Variants in MGA observed in about 807,000 individuals in gnomAD.
MGA encodes the protein MAX gene-associated protein.
MGA carries 40 observed loss-of-function variants against 261.1 expected under a neutral mutation model. The observed-to-expected ratio is 0.15, with a 90% confidence interval of 0.12 to 0.20. The LOEUF (loss-of-function observed/expected upper bound fraction) is 0.20. MGA is among the 10% of genes least tolerant of loss of function. The probability of loss-of-function intolerance (pLI) is 1.00; values close to 1 mark genes in which losing one functional copy is unlikely to be tolerated. For missense variants in MGA, 3,397 were observed against 3,630.5 expected, an observed-to-expected ratio of 0.94 and a Z score of 1.65; for synonymous variants, 1,302 against 1,290.6, an observed-to-expected ratio of 1.01 and a Z score of -0.19.
chr15:41,654,232 T>G (rs979007918), intron 1 of MGA, among the ~76,000 whole-genome samples: 1 of 152,212 alleles, frequency 6.6e-6, no homozygotes, highest in Admixed American at 6.5e-5. Flanking sequence ...CAGTTATTTC[T>G]AAATACCTGT....
chr15:41,729,822 G>GA (rs1197965626), intron 11 of MGA, among the ~76,000 whole-genome samples: 1 of 151,886 alleles, frequency 6.6e-6, no homozygotes. Context: ...GTGACAGAGT[G>GA]AGACTCTGTT....
chr15:41,766,529 A>C lies in MGA; in HGVS notation c.8447A>C (p.Glu2816Ala). The change falls in exon 24 of 24, where the codon GAG becomes GCG. Residue 2816 changes from glutamate to alanine, a missense_variant. This residue lies in a region of MGA where 647 missense variants were observed against 642.4 expected (regional missense o/e 1.01). Transcript: ENST00000219905. Reference sequence around the variant, plus strand: ...GAACTGCTGACTAACATGGAAGATGAGGATGATACTGATGAGACACTGACT... The same window carrying C: ...GAACTGCTGACTAACATGGAAGATGCGGATGATACTGATGAGACACTGACT... 6.2e-7 allele frequency: 1 copy of C among 1,613,978 alleles called. No homozygotes were observed. Among genetic ancestry groups the C allele is most frequent in the Admixed American group, 1.7e-5 (1 of 60,024 alleles).
intron 22 of MGA, among the ~76,000 whole-genome samples, chr15:41,762,716 G>A (rs762639316): frequency 3.3e-5 from 5 of 151,916 alleles, no homozygotes; most frequent in African/African-American, 1.2e-4. Context: ...TGATCCACCC[G>A]CCTTGGCCTC....
Position 41,762,304 on chromosome 15 carries a change from T to C in MGA, c.7686T>C (p.Phe2562=), listed in dbSNP as rs2063503561. 6.2e-7 allele frequency: 1 copy of C among 1,613,754 alleles called. No individual in the cohort carries two copies. The highest frequency in any genetic ancestry group is 1.7e-5 in the Admixed American group (1 of 59,992). The change falls in exon 22 of 24, where the codon TTT becomes TTC. Residue 2562 remains phenylalanine (F), a synonymous_variant. Transcript: ENST00000219905. ...CATCTGTAGATCTTGGACAGATGTT[T>C]ATAAATAACAGGAGGGGGAAACCTT... is the stretch of plus-strand genomic sequence containing the variant.
At chr15:41,667,303 G>T (rs1427727576) in intron 1 of MGA, among the ~76,000 whole-genome samples, 1 of 151,798 alleles carries the variant, frequency 6.6e-6, no homozygotes, top group African/African-American at 2.4e-5. Context: ...CTGAAGTGCA[G>T]TGGTGCCATC....
intron 9 of MGA, among the ~76,000 whole-genome samples, chr15:41,718,153 A>G (rs1218380931): frequency 6.6e-6 from 1 of 151,676 alleles, no homozygotes; most frequent in African/African-American, 2.4e-5. Flanking sequence ...TTGCCATATA[A>G]CAGATTAAAT....
intron 3 of MGA, 31 bp downstream of exon 3, chr15:41,697,054 G>T: frequency 6.9e-7 from 1 of 1,448,590 alleles, no homozygotes; most frequent in Non-Finnish European, 9.2e-7. Flanking sequence ...ATTCTTTAAG[G>T]CTAATTAGTC....
rs184644436 is a variant in MGA at position 41,670,733 on chromosome 15, C to T, written c.1064+775C>T. 4.9e-4 allele frequency among the ~76,000 whole-genome samples: 75 copies of T among 151,842 alleles called. 1 individual carries two copies. In the East Asian group the frequency reaches 9.1e-3, roughly 18 times the overall value. On this transcript the variant is annotated intron_variant, in intron 2 of 23. Coordinates refer to ENST00000219905, the MANE Select transcript of MGA (RefSeq NM_001164273.2). ...GTGTTAGCCAGGATGGTCTCGATCT[C>T]CTGACCTCATGATCTGCCCGCCTCG...
chr15:41,702,326 A>G (rs1373892576), intron 5 of MGA, among the ~76,000 whole-genome samples: 3 of 151,440 alleles, frequency 2.0e-5, no homozygotes, highest in African/African-American at 7.2e-5. Context: ...TTGTCTCAAA[A>G]AAAAAAAAAA....
chr15:41,739,831 G>T, intron 13 of MGA, 75 bp from the exon 14 acceptor site: 1 of 1,398,520 alleles, frequency 7.2e-7, no homozygotes, highest in Non-Finnish European at 9.7e-7. Flanking sequence ...TTGTAAAAAT[G>T]AAGCCCCTGT....
At chr15:41,628,289 C>T (rs1309493099) in intron 1 of MGA, among the ~76,000 whole-genome samples, 3 of 145,956 alleles carry the variant, frequency 2.1e-5, no homozygotes, top group Non-Finnish European at 4.5e-5. Context: ...ATGAGAATAT[C>T]TTGAACCCGG....
At chr15:41,715,172 CAG>C (rs1462284109) in intron 9 of MGA, among the ~76,000 whole-genome samples, 1 of 131,570 alleles carries the variant, frequency 7.6e-6, no homozygotes, top group Non-Finnish European at 1.6e-5. Context: ...TTTTTTGAGA[CAG>C]AGTCTCACTC....
At chr15:41,680,977 T>G (rs1184050205) in intron 2 of MGA, among the ~76,000 whole-genome samples, 1 of 152,190 alleles carries the variant, frequency 6.6e-6, no homozygotes, top group Admixed American at 6.5e-5. Context: ...GGGGGTCTAC[T>G]ACAGGTCATG....
intron 13 of MGA, 95 bp downstream of exon 13, chr15:41,736,793 T>C: frequency 7.5e-7 from 1 of 1,324,858 alleles, no homozygotes; most frequent in African/African-American, 1.5e-5. Flanking sequence ...ATATCCTTTA[T>C]CTTGACATTT....
chr15:41,699,271 T>G (rs1484159171), intron 5 of MGA, 112 bp downstream of exon 5: 1 of 703,288 alleles, frequency 1.4e-6, no homozygotes, highest in Non-Finnish European at 2.3e-6. Flanking sequence ...TTTTCCTCTT[T>G]CTTTCTAGCC....
chr15:41,744,876 T>G (rs528921495), intron 15 of MGA, among the ~76,000 whole-genome samples: 23 of 147,842 alleles, frequency 1.6e-4, no homozygotes, highest in Non-Finnish European at 2.3e-4. Context: ...GTGTGTGTGT[T>G]TGTTTATTTA....
intron 22 of MGA, among the ~76,000 whole-genome samples, chr15:41,764,141 A>G (rs1357733973): frequency 6.6e-6 from 1 of 152,048 alleles, no homozygotes; most frequent in Non-Finnish European, 1.5e-5. Flanking sequence ...CCTGTGTGAC[A>G]GAGTGAGACT....
intron 5 of MGA, among the ~76,000 whole-genome samples, chr15:41,704,347 T>A (rs2060000552): frequency 6.6e-6 from 1 of 151,576 alleles, no homozygotes; most frequent in Admixed American, 6.6e-5. Flanking sequence ...AAAAAAAAAA[T>A]TCTGAATGTT....
upstream of MGA, among the ~76,000 whole-genome samples, chr15:41,659,527 G>A (rs973822602): frequency 2.0e-5 from 3 of 152,216 alleles, no homozygotes; most frequent in African/African-American, 7.2e-5. Flanking sequence ...CAGGAGCACA[G>A]AAGAAAGAAC....
Sources: gnomAD v4.1 joint callset for allele counts (sites outside exome capture counted in the v4.1 genomes callset) on GRCh38, gnomAD v4.1.1 for gene constraint, gnomAD v4.1.1 regional missense constraint, MANE v1.5 for transcripts, NCBI Gene and HGNC (gene_info 2026-07-23, HGNC 2026-07-21) for gene names.